The following SCFD2 variants were observed in gnomAD, a reference collection of about 807,000 sequenced individuals.
The protein encoded by SCFD2 is sec1 family domain containing 2.
SCFD2 carries 54 observed loss-of-function variants against 58.9 expected under a neutral mutation model. That is an observed-to-expected ratio of 0.92 (90% confidence interval 0.74 to 1.15). SCFD2 has a LOEUF of 1.15. Among genes scored for constraint, SCFD2 ranks in the 50% most tolerant of loss-of-function variants. SCFD2 has a pLI of 0.00. For missense variants in SCFD2, 805 were observed against 836.6 expected, an observed-to-expected ratio of 0.96 and a Z score of 0.47; for synonymous variants, 321 against 335.9, an observed-to-expected ratio of 0.96 and a Z score of 0.49.
chr4:53,103,898 A>T (rs1402059931), intron 5 of SCFD2, among the ~76,000 whole-genome samples: 3 of 52,084 alleles, frequency 5.8e-5, no homozygotes, highest in Non-Finnish European at 1.1e-4. Context: ...AATATGAGCT[A>T]AAAAAAAAAA....
intron 5 of SCFD2, among the ~76,000 whole-genome samples, chr4:53,023,480 G>A (rs1371137105): frequency 1.3e-5 from 2 of 151,994 alleles, no homozygotes; most frequent in Non-Finnish European, 1.5e-5. Flanking sequence ...GTGGTGTCTG[G>A]GTGGGCAGAT....
intron 5 of SCFD2, among the ~76,000 whole-genome samples, chr4:52,994,956 T>C (rs1018985830): frequency 1.3e-5 from 2 of 152,146 alleles, no homozygotes; most frequent in Non-Finnish European, 2.9e-5. Flanking sequence ...AATGGCTATG[T>C]AGGAAAGAAA....
intron 5 of SCFD2, among the ~76,000 whole-genome samples, chr4:53,081,199 A>T (rs1237020452): frequency 2.0e-5 from 3 of 152,126 alleles, no homozygotes; most frequent in Non-Finnish European, 1.5e-5. Flanking sequence ...TCTATCCTTT[A>T]TATCCTGGGA....
chr4:53,299,111 T>C (rs956836720), intron 3 of SCFD2, among the ~76,000 whole-genome samples: 3 of 151,838 alleles, frequency 2.0e-5, no homozygotes, highest in Non-Finnish European at 2.9e-5. Context: ...CTTTGATGAG[T>C]TGAGAGAGGA....
At chr4:52,942,339 A>C (rs1720314587) in intron 5 of SCFD2, among the ~76,000 whole-genome samples, 1 of 152,194 alleles carries the variant, frequency 6.6e-6, no homozygotes, top group Non-Finnish European at 1.5e-5. Flanking sequence ...CTAGTTTGAA[A>C]GAAGCTGAGA....
intron 4 of SCFD2, among the ~76,000 whole-genome samples, chr4:53,156,691 C>G (rs1434311699): frequency 6.6e-6 from 1 of 152,208 alleles, no homozygotes; most frequent in Non-Finnish European, 1.5e-5. Context: ...GAGTGAGACT[C>G]CGTCTCAAAA....
At chr4:53,139,594 CA>C in intron 5 of SCFD2, among the ~76,000 whole-genome samples, 1 of 148,964 alleles carries the variant, frequency 6.7e-6, no homozygotes, top group Non-Finnish European at 1.5e-5. Flanking sequence ...AGGTGGGGGG[CA>C]GCCCCCGCCC....
chr4:53,231,277 C>G (rs1729430415), intron 4 of SCFD2, among the ~76,000 whole-genome samples: 1 of 152,124 alleles, frequency 6.6e-6, no homozygotes, highest in Admixed American at 6.6e-5. Context: ...TTGCTCGTCC[C>G]TACTCACTAG....
chr4:53,171,765 C>A (rs1431715341), intron 4 of SCFD2, among the ~76,000 whole-genome samples: 1 of 151,854 alleles, frequency 6.6e-6, no homozygotes, highest in African/African-American at 2.4e-5. Context: ...TCTAGGTTAT[C>A]CCATTTGTTG....
chr4:53,143,347 C>T (rs1431620852), intron 5 of SCFD2, among the ~76,000 whole-genome samples: 2 of 152,170 alleles, frequency 1.3e-5, no homozygotes, highest in Non-Finnish European at 2.9e-5. Context: ...AGCATTCAAA[C>T]CTACTTTGAA....
intron 4 of SCFD2, among the ~76,000 whole-genome samples, chr4:53,247,963 C>T (rs1477182139): frequency 2.6e-5 from 4 of 151,658 alleles, no homozygotes; most frequent in Admixed American, 1.3e-4. Flanking sequence ...CAGCTGCCAG[C>T]GTGAGCGATG....
At chr4:53,066,725 G>A (rs1182153970) in intron 5 of SCFD2, among the ~76,000 whole-genome samples, 13 of 151,990 alleles carry the variant, frequency 8.6e-5, no homozygotes, top group South Asian at 2.1e-4. Context: ...CCTATTTCAC[G>A]CCAACTCATC....
chr4:53,229,380 G>C (rs1729351244), intron 4 of SCFD2, among the ~76,000 whole-genome samples: 1 of 152,142 alleles, frequency 6.6e-6, no homozygotes, highest in Non-Finnish European at 1.5e-5. Context: ...ATACTACAAG[G>C]CTACAGTAAC....
intron 5 of SCFD2, among the ~76,000 whole-genome samples, chr4:53,050,839 C>A (rs1158271266): frequency 2.0e-5 from 3 of 152,204 alleles, no homozygotes; most frequent in Non-Finnish European, 2.9e-5. Flanking sequence ...ATTCCTCCAA[C>A]TCCCAGTGCC....
chr4:53,147,853 A>G (rs1298210116), intron 4 of SCFD2, among the ~76,000 whole-genome samples: 1 of 152,244 alleles, frequency 6.6e-6, no homozygotes, highest in Non-Finnish European at 1.5e-5. Flanking sequence ...TGCTGCATTC[A>G]AAGCCATCCT....
intron 4 of SCFD2, among the ~76,000 whole-genome samples, chr4:53,228,550 T>A (rs916374108): frequency 1.3e-5 from 2 of 152,032 alleles, no homozygotes; most frequent in African/African-American, 4.8e-5. Flanking sequence ...AAATAAGATA[T>A]GCTTTGACAA....
chr4:53,008,246 A>C (rs1722022575), intron 5 of SCFD2, among the ~76,000 whole-genome samples: 1 of 152,152 alleles, frequency 6.6e-6, no homozygotes, highest in Non-Finnish European at 1.5e-5. Context: ...CTTAAAACCT[A>C]CAGCTGATGC....
chr4:53,357,668 T>C (rs1451275020), intron 1 of SCFD2, among the ~76,000 whole-genome samples: 2 of 152,190 alleles, frequency 1.3e-5, no homozygotes, highest in Non-Finnish European at 2.9e-5. Flanking sequence ...AAATAGTATC[T>C]TCTGAACCCT....
At chr4:53,293,146 T>C (rs1327914282) in intron 3 of SCFD2, among the ~76,000 whole-genome samples, 5 of 152,150 alleles carry the variant, frequency 3.3e-5, no homozygotes, top group African/African-American at 1.2e-4. Flanking sequence ...AGATCATGTC[T>C]TTTGCAGGGA....
Sources: allele counts gnomAD v4.1 joint callset (sites outside exome capture counted in the v4.1 genomes callset), GRCh38; gene constraint gnomAD v4.1.1; transcripts MANE v1.5; gene names NCBI Gene and HGNC (gene_info 2026-07-23, HGNC 2026-07-21).